The following SMYD3 variants were observed in gnomAD, a reference collection of about 807,000 sequenced individuals.
SMYD3 encodes the protein histone-lysine N-methyltransferase SMYD3.
SMYD3 carries 36 observed loss-of-function variants against 57.7 expected under a neutral mutation model. That is an observed-to-expected ratio of 0.62 (90% CI 0.48 to 0.82). SMYD3 has a LOEUF of 0.82. SMYD3 is among the 40% of genes least tolerant of loss of function. The probability of loss-of-function intolerance (pLI) is 0.00; values close to 1 mark genes in which losing one functional copy is unlikely to be tolerated. For missense variants in SMYD3, 515 were observed against 538.8 expected (o/e 0.96, Z 0.44); for synonymous variants, 211 against 195.0 (o/e 1.08, Z -0.68).
chr1:246,322,040 A>G (rs2065257479), intron 5 of SMYD3, among the ~76,000 whole-genome samples: 1 of 152,122 alleles, frequency 6.6e-6, no homozygotes, highest in Non-Finnish European at 1.5e-5. Context: ...TATAGGAGTG[A>G]GCCATTGTGC....
chr1:246,328,044 A>C (rs186037547), intron 4 of SMYD3, among the ~76,000 whole-genome samples: 1 of 152,208 alleles, frequency 6.6e-6, no homozygotes, highest in African/African-American at 2.4e-5. Flanking sequence ...AAATATAAAA[A>C]TCAGCAGGGC....
At chr1:246,254,528 G>A (rs2063848316) in intron 5 of SMYD3, among the ~76,000 whole-genome samples, 1 of 152,136 alleles carries the variant, frequency 6.6e-6, no homozygotes, top group Admixed American at 6.5e-5. Flanking sequence ...ATGCTGTTTT[G>A]GTTATTGTAC....
intron 1 of SMYD3, among the ~76,000 whole-genome samples, chr1:246,406,528 T>C (rs2066868838): frequency 6.6e-6 from 1 of 152,226 alleles, no homozygotes; most frequent in Non-Finnish European, 1.5e-5. Flanking sequence ...TTTAAAAAGC[T>C]TGTCCTTGCC....
Position 245,905,994 on chromosome 1 carries a change from C to A in SMYD3, c.813+9536G>T, listed in dbSNP as rs574752757. Among the ~76,000 whole-genome samples, 5 of 152,264 alleles carry A rather than the reference C, an allele frequency of 3.3e-5. No individual in the cohort carries two copies. The South Asian group carries it at 6.2e-4, about 19-fold the overall frequency. ...CTCTCACCATATACAAAAATAAAAT[C>A]AAATGGATTAAAGACTTAAATCTAA... On this transcript the variant is annotated intron_variant, in intron 8 of 11. Transcript: ENST00000490107.
chr1:246,263,861 AAGACAGTAACT>A (rs1207422476), intron 5 of SMYD3, among the ~76,000 whole-genome samples: 2 of 152,208 alleles, frequency 1.3e-5, no homozygotes, highest in African/African-American at 4.8e-5. Context: ...AAAAATGTGT[AAGACAGTAACT>A]GTCTTAAATA....
chr1:246,366,878 C>G (rs2066111907), intron 1 of SMYD3, among the ~76,000 whole-genome samples: 1 of 146,822 alleles, frequency 6.8e-6, no homozygotes, highest in Admixed American at 7.0e-5. Context: ...TTGCAGTGAG[C>G]CAAGATCATG....
intron 5 of SMYD3, among the ~76,000 whole-genome samples, chr1:246,253,498 T>C (rs1387221996): frequency 6.6e-6 from 1 of 152,204 alleles, no homozygotes; most frequent in East Asian, 1.9e-4. Flanking sequence ...ATGTACCACA[T>C]TTTCTTCATC....
chr1:245,844,884 C>T (rs1055012376), intron 10 of SMYD3, among the ~76,000 whole-genome samples: 8 of 151,926 alleles, frequency 5.3e-5, no homozygotes, highest in Non-Finnish European at 1.0e-4. Context: ...TGGCTAGGAC[C>T]CATTTGAAGT....
chr1:245,823,360 CTCT>C (rs1333620037), intron 10 of SMYD3, among the ~76,000 whole-genome samples: 1 of 17,746 alleles, frequency 5.6e-5, no homozygotes. Flanking sequence ...CGCTCTCGCT[CTCT>C]CTCTCTCTTT....
At chr1:245,980,488 A>G (rs1440354501) in intron 5 of SMYD3, among the ~76,000 whole-genome samples, 2 of 152,218 alleles carry the variant, frequency 1.3e-5, no homozygotes, top group Non-Finnish European at 2.9e-5. Flanking sequence ...CAACTCTGCC[A>G]AGCTAGCATG....
intron 10 of SMYD3, among the ~76,000 whole-genome samples, chr1:245,844,363 G>C (rs1298121622): frequency 6.7e-6 from 1 of 149,482 alleles, no homozygotes; most frequent in East Asian, 2.1e-4. Context: ...CCTAAGGTTG[G>C]ATTAGCTTTA....
intron 1 of SMYD3, among the ~76,000 whole-genome samples, chr1:246,421,483 AC>A (rs1432631072): frequency 6.6e-6 from 1 of 152,158 alleles, no homozygotes; most frequent in Non-Finnish European, 1.5e-5. Flanking sequence ...AAGCAAAAAA[AC>A]AAGATGACCT....
chr1:246,266,637 C>T (rs912023609), intron 5 of SMYD3, among the ~76,000 whole-genome samples: 1 of 151,922 alleles, frequency 6.6e-6, no homozygotes, highest in South Asian at 2.1e-4. Context: ...ATGAGAAATA[C>T]AAAAATCAGC....
intron 5 of SMYD3, among the ~76,000 whole-genome samples, chr1:246,146,431 G>A (rs568433844): frequency 8.5e-5 from 13 of 152,266 alleles, no homozygotes; most frequent in East Asian, 1.9e-4. Flanking sequence ...TTAACGACAA[G>A]GGTTTGGGAA....
chr1:246,014,904 C>T (rs2059351000), intron 5 of SMYD3, among the ~76,000 whole-genome samples: 1 of 152,082 alleles, frequency 6.6e-6, no homozygotes, highest in Admixed American at 6.6e-5. Context: ...CCCAGACCTG[C>T]CAAAGAAGAA....
intron 10 of SMYD3, among the ~76,000 whole-genome samples, chr1:245,835,066 T>G (rs1328373379): frequency 6.6e-6 from 1 of 151,708 alleles, no homozygotes; most frequent in Non-Finnish European, 1.5e-5. Context: ...AGAAAATGCA[T>G]GAGACTTGGA....
At chr1:246,448,704 TAAAAAA>T (rs1553349829) in intron 1 of SMYD3, among the ~76,000 whole-genome samples, 1 of 81,438 alleles carries the variant, frequency 1.2e-5, no homozygotes, top group Non-Finnish European at 2.3e-5. Context: ...CTCTTTTTTT[TAAAAAA>T]AAAAAAAAAA....
At chr1:246,360,585 A>G (rs2065972491) in intron 1 of SMYD3, among the ~76,000 whole-genome samples, 1 of 152,218 alleles carries the variant, frequency 6.6e-6, no homozygotes, top group South Asian at 2.1e-4. Flanking sequence ...CCAAAACAGC[A>G]TAGTACTGTT....
chr1:245,942,207 C>T (rs774265306), intron 5 of SMYD3, among the ~76,000 whole-genome samples: 1 of 152,198 alleles, frequency 6.6e-6, no homozygotes, highest in Non-Finnish European at 1.5e-5. Flanking sequence ...AGCTGAGACC[C>T]ATCAGTGTGC....
Sources: allele counts gnomAD v4.1 joint callset (sites outside exome capture counted in the v4.1 genomes callset), GRCh38; gene constraint gnomAD v4.1.1; transcripts MANE v1.5; gene names NCBI Gene and HGNC (gene_info 2026-07-23, HGNC 2026-07-21).